SYT16: variants seen among roughly 807,000 people sequenced by gnomAD.
SYT16 encodes the protein synaptotagmin 16.
SYT16 carries 42 observed loss-of-function variants against 61.4 expected under a neutral mutation model. The observed-to-expected ratio is 0.68, with a 90% CI of 0.53 to 0.89. SYT16 has a LOEUF of 0.89. Ranked by LOEUF, SYT16 falls within the 40% of genes least tolerant of loss-of-function variation. SYT16 has a pLI of 0.00. For missense variants in SYT16, 804 were observed against 807.3 expected (o/e 1.00, Z 0.05); for synonymous variants, 314 against 302.3 (o/e 1.04, Z -0.40).
intron 1 of SYT16, among the ~76,000 whole-genome samples, chr14:61,934,314 A>C (rs890983876): frequency 1.3e-5 from 2 of 152,194 alleles, no homozygotes; most frequent in Non-Finnish European, 2.9e-5. Flanking sequence ...TAAAAAGTAC[A>C]TGGCAAGTCA....
chr14:61,837,734 A>G (rs1311059703), intron 1 of SYT16, among the ~76,000 whole-genome samples: 1 of 152,314 alleles, frequency 6.6e-6, no homozygotes, highest in Admixed American at 6.5e-5. Context: ...TGTGCATTCC[A>G]GAACAGCCAC....
At chr14:62,076,634 T>G (rs1195244094) in intron 5 of SYT16, among the ~76,000 whole-genome samples, 3 of 152,130 alleles carry the variant, frequency 2.0e-5, no homozygotes, top group Admixed American at 2.0e-4. Flanking sequence ...GCCCTTCATA[T>G]GGAGGCACCC....
In SYT16 at chr14:62,109,129, A is replaced by T. The variant is rs781509138; in HGVS notation, c.*8422A>T. ...CACAATGACGTGTGTCCACTATTGT[A>T]GTATCATACAGAAGATTTTCACTGC... On this transcript the variant is annotated 3_prime_UTR_variant, in exon 8 of 8. Coordinates refer to ENST00000683842, the MANE Select transcript of SYT16 (RefSeq NM_001367656.1). 2.0e-5 allele frequency: 3 copies of T among 152,188 alleles called. No homozygotes were observed. Among genetic ancestry groups the T allele is most frequent in the Non-Finnish European group, 4.4e-5 (3 of 68,036 alleles). 9.4% of individuals were successfully genotyped at this position (152,188 alleles called of 1,614,324 possible).
intron 3 of SYT16, among the ~76,000 whole-genome samples, chr14:62,016,357 A>C (rs988333964): frequency 1.3e-5 from 2 of 152,146 alleles, no homozygotes; most frequent in African/African-American, 4.8e-5. Flanking sequence ...TAAGATCATC[A>C]TCATTTGAGT....
At chr14:61,984,323 C>A (rs1303448155) in intron 2 of SYT16, among the ~76,000 whole-genome samples, 3 of 152,014 alleles carry the variant, frequency 2.0e-5, no homozygotes, top group Admixed American at 2.0e-4. Context: ...CATTTTAGGG[C>A]AAGAATTCCA....
At chr14:61,962,477 G>T (rs1367712222) in intron 1 of SYT16, among the ~76,000 whole-genome samples, 1 of 152,006 alleles carries the variant, frequency 6.6e-6, no homozygotes, top group African/African-American at 2.4e-5. Context: ...TAATTCTAAT[G>T]TGTCTCGGTA....
chr14:61,838,332 C>T (rs1195797445), intron 1 of SYT16, among the ~76,000 whole-genome samples: 1 of 152,176 alleles, frequency 6.6e-6, no homozygotes, highest in Non-Finnish European at 1.5e-5. Flanking sequence ...GTCCACTCCC[C>T]ACAGTTGGCT....
At chr14:62,072,339 T>C (rs1051547250) in intron 4 of SYT16, among the ~76,000 whole-genome samples, 1 of 152,202 alleles carries the variant, frequency 6.6e-6, no homozygotes, top group Non-Finnish European at 1.5e-5. Flanking sequence ...TGCATATATG[T>C]ACATACAAAA....
At chr14:61,984,468 T>A (rs2052218796) in intron 2 of SYT16, among the ~76,000 whole-genome samples, 1 of 152,206 alleles carries the variant, frequency 6.6e-6, no homozygotes, top group Non-Finnish European at 1.5e-5. Flanking sequence ...GCTGCTCTAT[T>A]GCAGGACTCA....
rs2057468270 is a variant in SYT16, at chr14:62,103,986, A to G, written c.*3279A>G. 6.6e-6 allele frequency: 1 copy of G among 151,756 alleles called. No homozygotes were observed. The highest frequency in any genetic ancestry group is 2.1e-4 in the South Asian group (1 of 4,798). 9.4% of individuals were successfully genotyped at this position (151,756 alleles called of 1,614,324 possible). On this transcript the variant is annotated 3_prime_UTR_variant, in exon 8 of 8. Coordinates refer to ENST00000683842, the MANE Select transcript of SYT16 (RefSeq NM_001367656.1). ...GCCTTTTCAATGTGTAGATTTCATG[A>G]TATTTTACAAATTATTGTTACCTCT...
chr14:61,824,918 C>T (rs959078527), intron 1 of SYT16, among the ~76,000 whole-genome samples: 2 of 152,292 alleles, frequency 1.3e-5, no homozygotes, highest in East Asian at 3.9e-4. Context: ...TGTGGCTAAT[C>T]GAACTTGTGC....
intron 3 of SYT16, among the ~76,000 whole-genome samples, chr14:62,042,730 C>T (rs891067648): frequency 3.9e-5 from 6 of 152,160 alleles, no homozygotes; most frequent in Admixed American, 1.3e-4. Flanking sequence ...GGCAGGTTTC[C>T]TCTTTAATAC....
At chr14:61,891,320 T>C (rs564675364) in intron 1 of SYT16, among the ~76,000 whole-genome samples, 65 of 149,634 alleles carry the variant, frequency 4.3e-4, no homozygotes, top group African/African-American at 1.3e-3. Flanking sequence ...TCTTCACCTG[T>C]TTTTTTTTTC....
chr14:62,056,455 A>G (rs2055559691), intron 3 of SYT16, among the ~76,000 whole-genome samples: 1 of 152,228 alleles, frequency 6.6e-6, no homozygotes, highest in Admixed American at 6.5e-5. Flanking sequence ...CAAAAACCCT[A>G]AATTTCTACA....
chr14:61,818,123 A>G (rs990016618), intron 1 of SYT16, among the ~76,000 whole-genome samples: 2 of 152,344 alleles, frequency 1.3e-5, no homozygotes, highest in Admixed American at 6.5e-5. Flanking sequence ...ATGTTAACAA[A>G]ACTTTTTATT....
intron 3 of SYT16, among the ~76,000 whole-genome samples, chr14:62,012,428 C>G (rs1157612180): frequency 6.6e-6 from 1 of 152,200 alleles, no homozygotes; most frequent in African/African-American, 2.4e-5. Context: ...TGTCTGCTTA[C>G]TTCATCAAGC....
At chr14:62,090,757 G>T (rs984899672) in intron 7 of SYT16, among the ~76,000 whole-genome samples, 1 of 152,164 alleles carries the variant, frequency 6.6e-6, no homozygotes, top group Non-Finnish European at 1.5e-5. Flanking sequence ...TTATGCTGCT[G>T]ATAAAGACGT....
In SYT16 at chr14:62,075,378, T is replaced by C. The variant is rs774689180; in HGVS notation, c.980T>C (p.Met327Thr). The C allele has an allele frequency of 6.2e-7, 1 of 1,611,422 alleles. No individual in the cohort carries two copies. Among genetic ancestry groups the C allele is most frequent in the Admixed American group, 1.7e-5 (1 of 59,958 alleles). Residue 327 changes from methionine (M) to threonine (T), a missense_variant, in exon 5 of 8, where the codon ATG (methionine) becomes ACG (threonine). Transcript: ENST00000683842. ...TCCTATGCCACTGACAGCTCCTCCA[T>C]GTGGAGTCCAGAGGCAAGTTATTTG... ...EDSYATDSSS[M>T]WSPEEQDRTN... is the part of the protein sequence containing the mutation.
chr14:61,849,152 C>T (rs1225715304), intron 1 of SYT16, among the ~76,000 whole-genome samples: 3 of 152,138 alleles, frequency 2.0e-5, no homozygotes, highest in Non-Finnish European at 4.4e-5. Flanking sequence ...CTGTCTTGTG[C>T]CCTATCCTAT....
Sources: gnomAD v4.1 joint callset for allele counts (sites outside exome capture counted in the v4.1 genomes callset) on GRCh38, gnomAD v4.1.1 for gene constraint, MANE v1.5 for transcripts, NCBI Gene and HGNC (gene_info 2026-07-23, HGNC 2026-07-21) for gene names.